The following JAZF1 variants were observed in gnomAD, a reference collection of about 807,000 sequenced individuals.
JAZF1 encodes the protein JAZF zinc finger 1.
A neutral mutation model predicts 26.4 loss-of-function variants in JAZF1; 8 were observed. The ratio of observed to expected loss-of-function variants is 0.30; its 90% confidence interval spans 0.18 to 0.55. The LOEUF (loss-of-function observed/expected upper bound fraction) is 0.55. JAZF1 is among the 20% of genes least tolerant of loss of function. JAZF1 has a pLI of 0.94. For synonymous variants in JAZF1, 126 were observed against 122.3 expected, an observed-to-expected ratio of 1.03 and a Z score of -0.20; for missense variants, 199 against 322.0, an observed-to-expected ratio of 0.62 and a Z score of 2.92.
chr7:28,018,330 C>G (rs1445595580), intron 1 of JAZF1, among the ~76,000 whole-genome samples: 1 of 152,214 alleles, frequency 6.6e-6, no homozygotes, highest in Non-Finnish European at 1.5e-5. Flanking sequence ...CCAGCTTTCA[C>G]AGGCCCTTGT....
chr7:27,943,141 T>A (rs1784874167), intron 2 of JAZF1, among the ~76,000 whole-genome samples: 1 of 152,118 alleles, frequency 6.6e-6, no homozygotes, highest in Non-Finnish European at 1.5e-5. Flanking sequence ...GGAGGCAACA[T>A]CCTCAGATAC....
intron 4 of JAZF1, among the ~76,000 whole-genome samples, chr7:27,834,929 T>TAA (rs2128330009): frequency 6.6e-6 from 1 of 152,342 alleles, no homozygotes; most frequent in South Asian, 2.1e-4. Flanking sequence ...GACCATTAGA[T>TAA]AAAGACTTTC....
At chr7:28,083,982 T>C (rs1202724500) in intron 1 of JAZF1, among the ~76,000 whole-genome samples, 1 of 152,132 alleles carries the variant, frequency 6.6e-6, no homozygotes, top group Non-Finnish European at 1.5e-5. Context: ...AAGCAAATAG[T>C]GAAATAGCTT....
chr7:27,941,997 G>A lies in JAZF1; in HGVS notation c.189-46581C>T, dbSNP rs140905067. 5.8e-3 allele frequency among the ~76,000 whole-genome samples: 884 copies of A among 152,276 alleles called. 6 individuals are homozygous for A. Among genetic ancestry groups the A allele is most frequent in the African/African-American group, 0.02 (841 of 41,542 alleles). ...TCAGCTCACTTATTTGCTGTGTGACGTTGAATAAATCACTTCATCAGAAAA... is the reference window on the plus strand; with the variant it reads ...TCAGCTCACTTATTTGCTGTGTGACATTGAATAAATCACTTCATCAGAAAA... On this transcript the variant is annotated intron_variant, in intron 2 of 4. Transcript: ENST00000283928.
intron 2 of JAZF1, among the ~76,000 whole-genome samples, chr7:27,901,458 G>C (rs1276103417): frequency 6.6e-6 from 1 of 152,160 alleles, no homozygotes; most frequent in East Asian, 1.9e-4. Flanking sequence ...CTCAGGAAAT[G>C]TACACTATTT....
intron 1 of JAZF1, among the ~76,000 whole-genome samples, chr7:28,170,231 T>G (rs934403360): frequency 1.3e-5 from 2 of 152,170 alleles, no homozygotes; most frequent in Non-Finnish European, 2.9e-5. Context: ...AAGATCAGCC[T>G]GGGCAACATA....
At chr7:28,038,281 A>C (rs1158461500) in intron 1 of JAZF1, among the ~76,000 whole-genome samples, 1 of 152,218 alleles carries the variant, frequency 6.6e-6, no homozygotes, top group African/African-American at 2.4e-5. Context: ...TGGGGGAATG[A>C]TTGTGGCAAA....
chr7:28,069,175 G>C (rs993896682), intron 1 of JAZF1, among the ~76,000 whole-genome samples: 9 of 152,146 alleles, frequency 5.9e-5, no homozygotes, highest in Non-Finnish European at 1.5e-5. Context: ...TGGCAGAGCA[G>C]AGAGCAGAGC....
chr7:27,891,647 C>A lies in JAZF1; in HGVS notation c.385+3573G>T, dbSNP rs1004174184. Among the ~76,000 whole-genome samples, 4 of 152,090 alleles carry A rather than the reference C, an allele frequency of 2.6e-5. No individual in the cohort carries two copies. The South Asian group carries it at 8.3e-4, about 32-fold the overall frequency. On this transcript the variant is annotated intron_variant, in intron 3 of 4. Transcript: ENST00000283928. ...TTCAAGACCAGCCTGGGCAACATAG[C>A]AAGACCTCATCTCTACAAAAAAAGT... is the stretch of plus-strand genomic sequence containing the variant.
chr7:27,966,600 C>T (rs1785279869), intron 2 of JAZF1, among the ~76,000 whole-genome samples: 1 of 152,184 alleles, frequency 6.6e-6, no homozygotes, highest in African/African-American at 2.4e-5. Context: ...TGCAGTTCCC[C>T]TTTATCTGAG....
At chr7:27,851,852 C>G (rs1195955468) in intron 3 of JAZF1, among the ~76,000 whole-genome samples, 1 of 152,024 alleles carries the variant, frequency 6.6e-6, no homozygotes, top group African/African-American at 2.4e-5. Context: ...CTGGTGAGAC[C>G]TAAAAGACAG....
intron 2 of JAZF1, among the ~76,000 whole-genome samples, chr7:27,904,040 C>T (rs562764380): frequency 1.3e-4 from 20 of 152,296 alleles, no homozygotes; most frequent in Middle Eastern, 3.4e-3. Flanking sequence ...TCTGACATGA[C>T]AATCTAACCT....
At chr7:27,844,643 A>C (rs1441622927) in intron 3 of JAZF1, 2 of 152,282 alleles carry the variant, frequency 1.3e-5, no homozygotes, top group African/African-American at 4.8e-5. Context: ...ATATGCAAAG[A>C]AGCAAAAAGG....
intron 2 of JAZF1, among the ~76,000 whole-genome samples, chr7:27,908,444 A>AT (rs551463472): frequency 1.3e-3 from 195 of 152,010 alleles, no homozygotes; most frequent in Non-Finnish European, 2.0e-3. Flanking sequence ...TTGGGGGTTG[A>AT]TTTTTTTTCA....
intron 1 of JAZF1, among the ~76,000 whole-genome samples, chr7:28,002,927 G>C (rs1782628799): frequency 6.6e-6 from 1 of 152,090 alleles, no homozygotes; most frequent in South Asian, 2.1e-4. Context: ...CTGGGTATGA[G>C]ATAATCTTGT....
rs997437516 is a variant in JAZF1, at chr7:28,174,825, T to G, written c.115+5638A>C. On this transcript the variant is annotated intron_variant, in intron 1 of 4. Coordinates refer to ENST00000283928, the MANE Select transcript of JAZF1 (RefSeq NM_175061.4). ...ATCCTGCCTATGGGGTGTGTGGGTG[T>G]GTGTGTGTGTGTGTGTGTGTGTGTA... 3.5e-5 allele frequency among the ~76,000 whole-genome samples: 4 copies of G among 115,482 alleles called. 2 individuals are homozygous for G. The highest frequency in any genetic ancestry group is 1.1e-4 in the African/African-American group (4 of 36,906). 75.8% of individuals were successfully genotyped at this position (115,482 alleles called of 152,430 possible).
chr7:28,055,946 T>C (rs1783699221), intron 1 of JAZF1, among the ~76,000 whole-genome samples: 1 of 152,210 alleles, frequency 6.6e-6, no homozygotes. Flanking sequence ...CAACCTCCTC[T>C]TCCTTTGAAT....
intron 2 of JAZF1, among the ~76,000 whole-genome samples, chr7:27,901,381 C>G (rs1226919243): frequency 1.3e-5 from 2 of 152,174 alleles, no homozygotes; most frequent in East Asian, 3.8e-4. Flanking sequence ...AACGTGGAAA[C>G]ATGAATATAA....
rs34918786 is a variant in JAZF1, at chr7:28,076,709, C to CAA, written c.116-84730_116-84729dup. Among the ~76,000 whole-genome samples the CAA allele has an allele frequency of 9.1e-3, 889 of 97,304 alleles. 6 individuals are homozygous for CAA. The highest frequency in any genetic ancestry group is 0.012 in the Admixed American group (100 of 8,462). 63.8% of individuals were successfully genotyped at this position (97,304 alleles called of 152,430 possible). ...ACACAATTGCTGTCTTTCTCTCTCT[C>CAA]AAAAAAAAAAAAAAAAAAAAATCCC... On this transcript the variant is annotated intron_variant, in intron 1 of 4. Coordinates refer to ENST00000283928, the MANE Select transcript of JAZF1 (RefSeq NM_175061.4).
Sources: gnomAD v4.1 joint callset for allele counts (sites outside exome capture counted in the v4.1 genomes callset) on GRCh38, gnomAD v4.1.1 for gene constraint, MANE v1.5 for transcripts, NCBI Gene and HGNC (gene_info 2026-07-23, HGNC 2026-07-21) for gene names.